ELL: variants seen among roughly 807,000 people sequenced by gnomAD.
The protein encoded by ELL is RNA polymerase II elongation factor ELL.
ELL carries 18 observed loss-of-function variants against 64.0 expected under a neutral mutation model. The observed-to-expected ratio is 0.28, with a 90% confidence interval of 0.19 to 0.42. The LOEUF (loss-of-function observed/expected upper bound fraction) is 0.42, where lower values mean the gene tolerates loss of function less well. Ranked by LOEUF, ELL falls within the 10% of genes least tolerant of loss-of-function variation. The pLI is 1.00. For missense variants in ELL, 797 were observed against 870.4 expected (o/e 0.92, Z 1.06); for synonymous variants, 399 against 376.2 (o/e 1.06, Z -0.70).
At chr19:18,521,508 G>A (rs754651809) in intron 1 of ELL, among the ~76,000 whole-genome samples, 42 of 152,138 alleles carry the variant, frequency 2.8e-4, no homozygotes, top group Non-Finnish European at 5.0e-4. Context: ...CCCGGCCCCA[G>A]ATGGAAAAGC....
At position 18,510,057 on chromosome 19, in the gene ELL, C is replaced by A. The variant is rs374416667; in HGVS notation, c.135+11864G>T. The stretch of plus-strand genomic sequence containing the variant: ...CAACCTCACCCAAGGCCCTTCCTAA[C>A]CCTCACTGCTTACAGAAACCCATGT... On this transcript the variant is annotated intron_variant, in intron 1 of 11. Coordinates refer to ENST00000262809, the MANE Select transcript of ELL (RefSeq NM_006532.4). Among the ~76,000 whole-genome samples, 27 of 152,354 alleles carry A rather than the reference C, an allele frequency of 1.8e-4. 1 individual carries two copies. In the East Asian group the frequency reaches 3.7e-3, roughly 21 times the overall value.
intron 1 of ELL, among the ~76,000 whole-genome samples, chr19:18,509,625 A>C: frequency 6.8e-6 from 1 of 146,246 alleles, no homozygotes; most frequent in South Asian, 2.1e-4. Context: ...ACACACACAC[A>C]CACACACACA....
intron 3 of ELL, 21 bp from the exon 4 acceptor site, chr19:18,465,596 C>A: frequency 6.4e-7 from 1 of 1,567,566 alleles, no homozygotes; most frequent in Non-Finnish European, 8.7e-7. Flanking sequence ...AGGCCAGGAG[C>A]TGGGGTCAGC....
At chr19:18,505,264 T>G (rs1321894716) in intron 1 of ELL, among the ~76,000 whole-genome samples, 2 of 152,112 alleles carry the variant, frequency 1.3e-5, no homozygotes, top group African/African-American at 4.8e-5. Flanking sequence ...CAACAGCAAA[T>G]GCAATCCCAA....
intron 1 of ELL, among the ~76,000 whole-genome samples, chr19:18,520,127 T>G (rs1040624984): frequency 6.6e-6 from 1 of 152,124 alleles, no homozygotes; most frequent in Non-Finnish European, 1.5e-5. Flanking sequence ...CAGCATGAGG[T>G]GGACACACAG....
At chr19:18,515,170 C>T (rs1976103164) in intron 1 of ELL, among the ~76,000 whole-genome samples, 1 of 152,236 alleles carries the variant, frequency 6.6e-6, no homozygotes, top group Non-Finnish European at 1.5e-5. Context: ...CAGTCCCTCA[C>T]ACACACTCTT....
chr19:18,495,320 G>A (rs1975625703), intron 1 of ELL, among the ~76,000 whole-genome samples: 1 of 152,138 alleles, frequency 6.6e-6, no homozygotes, highest in Non-Finnish European at 1.5e-5. Context: ...GGAGGGCCTG[G>A]CCCCACGTGC....
rs1216913732 is a variant in ELL at position 18,501,863 on chromosome 19, T to C, written c.135+20058A>G. 6.6e-6 allele frequency among the ~76,000 whole-genome samples: 1 copy of C among 151,914 alleles called. No individual in the cohort carries two copies. The highest frequency in any genetic ancestry group is 1.5e-5 in the Non-Finnish European group (1 of 67,946). On this transcript the variant is annotated intron_variant, in intron 1 of 11. Coordinates refer to ENST00000262809, the MANE Select transcript of ELL (RefSeq NM_006532.4). This position sits in a 1 kb window ranked among gnomAD's most constrained non-coding sequence, Gnocchi z 4.5. ...TGGGCAGGAAGGAGGGGAGGCAGCA[T>C]GGGCACCAGTGACCAGGACAGCCCT...
At position 18,445,224 on chromosome 19, in the gene ELL, C is replaced by T; in HGVS notation, c.1749G>A (p.Lys583=). 6.2e-7 allele frequency: 1 copy of T among 1,614,116 alleles called. No individual in the cohort carries two copies. The highest frequency in any genetic ancestry group is 1.1e-5 in the South Asian group (1 of 91,084). Residue 583 remains lysine, a splice_region_variant and synonymous_variant, in exon 11 of 12, where the codon AAG becomes AAA. Transcript: ENST00000262809. ...QILQEYRKIK[K]TNTNYSQEKH... is the part of the protein sequence containing the mutation. ...CCACCCCAACACAAGAGACACTCAC[C>T]TTTTTGATTTTTCGATATTCCTGCA... is the stretch of plus-strand genomic sequence containing the variant.
intron 1 of ELL, among the ~76,000 whole-genome samples, chr19:18,515,830 T>C (rs1036660527): frequency 6.6e-6 from 1 of 152,184 alleles, no homozygotes; most frequent in Non-Finnish European, 1.5e-5. Flanking sequence ...AGAGGCAGTA[T>C]GGGCCAGTGA....
chr19:18,447,605 C>T (rs1366484527), intron 8 of ELL, among the ~76,000 whole-genome samples: 9 of 152,168 alleles, frequency 5.9e-5, no homozygotes, highest in Non-Finnish European at 2.9e-5. Context: ...TGGGGTGCCC[C>T]GGCCACATAA....
At chr19:18,474,783 G>A (rs1054089814) in intron 1 of ELL, among the ~76,000 whole-genome samples, 3 of 152,230 alleles carry the variant, frequency 2.0e-5, no homozygotes, top group Admixed American at 6.5e-5. Flanking sequence ...AGGGGACCTC[G>A]GCCTGGCTGG....
At chr19:18,473,456 G>A (rs1050314641) in intron 1 of ELL, among the ~76,000 whole-genome samples, 48 of 152,314 alleles carry the variant, frequency 3.2e-4, no homozygotes, top group African/African-American at 1.1e-3. Flanking sequence ...GAGCAGGTGC[G>A]GTGGGGCCAC....
chr19:18,445,004 G>T, intron 11 of ELL, 136 bp from the exon 12 acceptor site: 1 of 1,104,964 alleles, frequency 9.1e-7, no homozygotes, highest in Non-Finnish European at 1.3e-6. Flanking sequence ...CAAGGGCAGA[G>T]TGGGAGTTGG....
chr19:18,500,016 C>A (rs1185958089), intron 1 of ELL, among the ~76,000 whole-genome samples: 5 of 152,222 alleles, frequency 3.3e-5, no homozygotes. Context: ...AATCCCAACA[C>A]TTTGGGAAGC....
chr19:18,488,009 T>C (rs562093101), intron 1 of ELL, among the ~76,000 whole-genome samples: 1 of 152,282 alleles, frequency 6.6e-6, no homozygotes, highest in East Asian at 1.9e-4. Flanking sequence ...ACAACCAGGC[T>C]GGCAAGTGTC....
chr19:18,453,805 G>A (rs539258129), intron 6 of ELL, among the ~76,000 whole-genome samples: 2 of 152,296 alleles, frequency 1.3e-5, no homozygotes, highest in South Asian at 2.1e-4. Flanking sequence ...TTGGGCTCAA[G>A]CAATCCTCCC....
At chr19:18,485,364 C>T (rs1975387631) in intron 1 of ELL, among the ~76,000 whole-genome samples, 2 of 152,188 alleles carry the variant, frequency 1.3e-5, no homozygotes, top group Admixed American at 1.3e-4. Flanking sequence ...GCTATTAGAG[C>T]GCCTCCTCTC....
At chr19:18,479,847 T>C (rs1292853950) in intron 1 of ELL, among the ~76,000 whole-genome samples, 1 of 151,954 alleles carries the variant, frequency 6.6e-6, no homozygotes, top group East Asian at 1.9e-4. Context: ...CCAGGATACC[T>C]GCTACCAGCC....
Sources: gnomAD v4.1 joint callset for allele counts (sites outside exome capture counted in the v4.1 genomes callset) on GRCh38, gnomAD v4.1.1 for gene constraint, Gnocchi (gnomAD v3.1) non-coding constraint, MANE v1.5 for transcripts, NCBI Gene and HGNC (gene_info 2026-07-23, HGNC 2026-07-21) for gene names.